IL1RAPL2: variants seen among roughly 807,000 people sequenced by gnomAD.
The protein encoded by IL1RAPL2 is X-linked interleukin-1 receptor accessory protein-like 2.
A neutral mutation model predicts 44.1 loss-of-function variants in IL1RAPL2; 3 were observed. The ratio of observed to expected loss-of-function variants is 0.07; its 90% CI spans 0.03 to 0.18. The LOEUF (loss-of-function observed/expected upper bound fraction) is 0.18, where lower values mean the gene tolerates loss of function less well. IL1RAPL2 is among the 10% of genes least tolerant of loss of function. The pLI, the probability that IL1RAPL2 is intolerant of heterozygous loss-of-function variation, is 1.00. For synonymous variants in IL1RAPL2, 181 were observed against 178.8 expected (o/e 1.01, Z -0.10); for missense variants, 391 against 496.4 (o/e 0.79, Z 2.02).
chrX:105,457,675 T>TTA (rs1020615822), intron 5 of IL1RAPL2, among the ~76,000 whole-genome samples: 3 of 108,614 alleles, frequency 2.8e-5, no homozygotes, highest in African/African-American at 6.6e-5. Flanking sequence ...TATATATATG[T>TTA]TATATATATG....
At chrX:104,677,917 C>G (rs913909176) in intron 2 of IL1RAPL2, among the ~76,000 whole-genome samples, 2 of 112,550 alleles carry the variant, frequency 1.8e-5, no homozygotes, top group African/African-American at 3.2e-5. Context: ...TGACCCCTTG[C>G]GCTTCCCCAG....
intron 2 of IL1RAPL2, among the ~76,000 whole-genome samples, chrX:104,716,480 G>C (rs1336128728): frequency 2.7e-5 from 3 of 111,430 alleles, no homozygotes; most frequent in Non-Finnish European, 3.8e-5. Context: ...ACTATCAACA[G>C]AGTAAACAGA....
At chrX:104,614,525 T>C (rs1032579664) in intron 1 of IL1RAPL2, among the ~76,000 whole-genome samples, 1 of 111,858 alleles carries the variant, frequency 8.9e-6, no homozygotes, top group Admixed American at 9.5e-5. Context: ...ATTCTGTAGA[T>C]GCCTATGAGG....
At chrX:104,909,569 A>T (rs970119866) in intron 2 of IL1RAPL2, among the ~76,000 whole-genome samples, 5 of 111,125 alleles carry the variant, frequency 4.5e-5, no homozygotes, top group African/African-American at 1.6e-4. Context: ...AACAGACAGG[A>T]CCCTCAGCTG....
chrX:105,742,928 C>T (rs1362553752), intron 8 of IL1RAPL2, among the ~76,000 whole-genome samples: 2 of 111,608 alleles, frequency 1.8e-5, no homozygotes, highest in Non-Finnish European at 3.8e-5. Context: ...TCTAGTTGCT[C>T]ATGCCAAAAT....
intron 1 of IL1RAPL2, among the ~76,000 whole-genome samples, chrX:104,646,497 A>G (rs1008971719): frequency 2.7e-5 from 3 of 111,961 alleles, no homozygotes; most frequent in Non-Finnish European, 5.6e-5. Context: ...ATATATGCAG[A>G]AAGTATACTA....
intron 2 of IL1RAPL2, among the ~76,000 whole-genome samples, chrX:105,134,250 T>C (rs966973306): frequency 8.9e-6 from 1 of 112,288 alleles, no homozygotes; most frequent in East Asian, 2.8e-4. Context: ...TCTTTTTTGA[T>C]AGAATTAGCC....
intron 1 of IL1RAPL2, among the ~76,000 whole-genome samples, chrX:104,632,953 T>A (rs934722494): frequency 1.8e-5 from 2 of 111,766 alleles, no homozygotes; most frequent in African/African-American, 6.5e-5. Context: ...TTTTTGCCCA[T>A]TCGGTATGAT....
At chrX:105,588,539 C>A (rs994535902) in intron 6 of IL1RAPL2, among the ~76,000 whole-genome samples, 2 of 101,228 alleles carry the variant, frequency 2.0e-5, no homozygotes, top group Non-Finnish European at 3.9e-5. Context: ...TCATCCTCCT[C>A]CCCAACCTGC....
At chrX:104,832,532 G>A (rs1271598921) in intron 2 of IL1RAPL2, among the ~76,000 whole-genome samples, 1 of 111,427 alleles carries the variant, frequency 9.0e-6, no homozygotes, top group African/African-American at 3.3e-5. Context: ...TTGAGAATAT[G>A]ATGTATAGAA....
At chrX:104,888,106 C>T (rs930632689) in intron 2 of IL1RAPL2, among the ~76,000 whole-genome samples, 10 of 110,614 alleles carry the variant, frequency 9.0e-5, no homozygotes, top group African/African-American at 2.6e-4. Flanking sequence ...GTGAAAAAAC[C>T]CAAGGAGGTG....
In IL1RAPL2 at chrX:104,818,343, C is replaced by CAAAAAA. The variant is rs768639524; in HGVS notation, c.82+159364_82+159369dup. On this transcript the variant is annotated intron_variant, in intron 2 of 10. Transcript: ENST00000372582. Reference sequence around the variant, plus strand: ...TGGGCGACAGAGAGAGACTCCGTCTCAAAAAAAAAAAAAAAAAAAAAGGTC... The same window carrying CAAAAAA: ...TGGGCGACAGAGAGAGACTCCGTCTCAAAAAAAAAAAAAAAAAAAAAAAAAAAGGTC... 2.2e-4 allele frequency among the ~76,000 whole-genome samples: 6 copies of CAAAAAA among 27,432 alleles called. 1 individual carries two copies. Among genetic ancestry groups the CAAAAAA allele is most frequent in the African/African-American group, 5.5e-4 (5 of 9,078 alleles). The allele number at this position is 27,432 out of a possible 115,157, so 23.8% of individuals were successfully genotyped here.
chrX:104,577,306 T>C (rs986409901), intron 1 of IL1RAPL2, among the ~76,000 whole-genome samples: 4 of 111,552 alleles, frequency 3.6e-5, no homozygotes, highest in Non-Finnish European at 7.5e-5. Context: ...CAGAAGAATA[T>C]TTAGGTAAGA....
At chrX:105,450,679 A>G (rs1336101887) in intron 5 of IL1RAPL2, among the ~76,000 whole-genome samples, 1 of 111,646 alleles carries the variant, frequency 9.0e-6, no homozygotes, top group African/African-American at 3.3e-5. Context: ...GGATTTTTCA[A>G]GAGTTGATGT....
At chrX:104,945,628 T>C (rs767267614) in intron 2 of IL1RAPL2, among the ~76,000 whole-genome samples, 6 of 112,026 alleles carry the variant, frequency 5.4e-5, no homozygotes, top group Admixed American at 1.9e-4. Context: ...CAGTTAATTT[T>C]AATAACTTAA....
intron 5 of IL1RAPL2, among the ~76,000 whole-genome samples, chrX:105,433,832 T>C (rs2035864044): frequency 9.0e-6 from 1 of 111,033 alleles, no homozygotes; most frequent in African/African-American, 3.3e-5. Flanking sequence ...AAGTTAATGA[T>C]ATGGATATGT....
chrX:105,143,656 T>C (rs1403619001), intron 2 of IL1RAPL2, among the ~76,000 whole-genome samples: 1 of 112,505 alleles, frequency 8.9e-6, no homozygotes, highest in East Asian at 2.8e-4. Context: ...GTATGTTTAT[T>C]GCAGCACTAT....
At chrX:104,907,864 C>G (rs752228894) in intron 2 of IL1RAPL2, among the ~76,000 whole-genome samples, 1 of 109,700 alleles carries the variant, frequency 9.1e-6, no homozygotes, top group East Asian at 2.9e-4. Context: ...TCCTTGTTGA[C>G]TTTCTGTCTC....
At chrX:104,677,381 TG>T (rs1200196658) in intron 2 of IL1RAPL2, among the ~76,000 whole-genome samples, 29 of 110,661 alleles carry the variant, frequency 2.6e-4, no homozygotes, top group African/African-American at 7.6e-4. Context: ...GTGCCCCTGC[TG>T]GGGGGTGCCT....
Sources: gnomAD v4.1 joint callset for allele counts (sites outside exome capture counted in the v4.1 genomes callset) on GRCh38, gnomAD v4.1.1 for gene constraint, MANE v1.5 for transcripts, NCBI Gene and HGNC (gene_info 2026-07-23, HGNC 2026-07-21) for gene names.